PYGB: variants seen among roughly 807,000 people sequenced by gnomAD.
PYGB encodes the protein glycogen phosphorylase B.
PYGB carries 82 observed loss-of-function variants against 94.3 expected under a neutral mutation model. The ratio of observed to expected loss-of-function variants is 0.87; its 90% CI spans 0.73 to 1.04. The LOEUF (loss-of-function observed/expected upper bound fraction) is 1.04. Ranked by LOEUF, PYGB falls within the 50% of genes least tolerant of loss-of-function variation. PYGB has a pLI of 0.00. For missense variants in PYGB, 1,132 were observed against 1,158.2 expected (o/e 0.98, Z 0.33); for synonymous variants, 488 against 479.1 (o/e 1.02, Z -0.24).
intron 2 of PYGB, among the ~76,000 whole-genome samples, chr20:25,264,303 T>C (rs1437426536): frequency 1.3e-5 from 2 of 152,170 alleles, no homozygotes; most frequent in South Asian, 4.1e-4. Flanking sequence ...ATTTATGACA[T>C]ACCCACAGCC....
rs139162483 is a variant in PYGB at position 25,290,602 on chromosome 20, G to A, written c.1949G>A (p.Arg650His). 1.9e-5 allele frequency: 30 copies of A among 1,604,524 alleles called. No homozygotes were observed. Among genetic ancestry groups the A allele is most frequent in the African/African-American group, 5.3e-5 (4 of 74,792 alleles). The change falls in exon 16 of 20, where the codon CGT becomes CAT. Residue 650 changes from arginine to histidine, a missense_variant. Coordinates refer to ENST00000216962, the MANE Select transcript of PYGB (RefSeq NM_002862.4). Reference sequence around the variant, plus strand: ...AAAGTGATCTTCCTGGAGAACTACCGTGTGTCCTTGGCTGAGAAAGGTAAC... The same window carrying A: ...AAAGTGATCTTCCTGGAGAACTACCATGTGTCCTTGGCTGAGAAAGGTAAC... ...RLKVIFLENY[R>H]VSLAEKVIPA...
chr20:25,284,641 G>A (rs951110483), intron 14 of PYGB, among the ~76,000 whole-genome samples: 3 of 152,192 alleles, frequency 2.0e-5, no homozygotes, highest in African/African-American at 7.2e-5. Flanking sequence ...GCCAAGGCTG[G>A]TCTCGAACTC....
intron 2 of PYGB, among the ~76,000 whole-genome samples, chr20:25,268,117 T>C (rs894934953): frequency 6.6e-6 from 1 of 151,102 alleles, no homozygotes; most frequent in Non-Finnish European, 1.5e-5. Context: ...ACTTATTTCT[T>C]AACTTTGAGC....
chr20:25,283,355 A>G, intron 13 of PYGB, 78 bp downstream of exon 13: 1 of 1,304,752 alleles, frequency 7.7e-7, no homozygotes, highest in South Asian at 1.3e-5. Flanking sequence ...TAGCCCTCCT[A>G]CAGGCCCAGC....
At chr20:25,265,592 ATTTTT>A (rs34336965) in intron 2 of PYGB, among the ~76,000 whole-genome samples, 1 of 119,670 alleles carries the variant, frequency 8.4e-6, no homozygotes. Context: ...TTGTTGTTGA[ATTTTT>A]TTTTTTTTTT....
Position 25,284,134 on chromosome 20 carries a change from G to T in PYGB, c.1651G>T (p.Glu551Ter). ...ENKLKFSAFL[E>*]KEYKVKINPS... ...CAAGCTCAAGTTCTCGGCCTTCCTG[G>T]AGAAGGAGTACAAGGTGAAGATCAA... Residue 551 changes from glutamate to a stop codon, truncating the protein, a stop_gained, in exon 14 of 20, where the codon GAG becomes TAG. Transcript: ENST00000216962. LOFTEE classifies it high-confidence loss of function. 1 of 1,614,110 alleles carries T rather than the reference G, an allele frequency of 6.2e-7. No homozygotes were observed. The highest frequency in any genetic ancestry group is 8.5e-7 in the Non-Finnish European group (1 of 1,179,992).
At chr20:25,270,649 C>G (rs1307068734) in intron 3 of PYGB, among the ~76,000 whole-genome samples, 1 of 152,134 alleles carries the variant, frequency 6.6e-6, no homozygotes, top group Admixed American at 6.5e-5. Context: ...AGGCATGCGT[C>G]ACTATGCACA....
At chr20:25,277,379 G>C in intron 7 of PYGB, 53 bp downstream of exon 7, 1 of 1,505,348 alleles carries the variant, frequency 6.6e-7, no homozygotes, top group East Asian at 2.3e-5. Context: ...TTCTGGCATA[G>C]AGAGGTGGGC....
Position 25,280,244 on chromosome 20 carries a change from G to A in PYGB, c.1093-22G>A, listed in dbSNP as rs766622335. ...CTGCTTGTTTCTAAACAAACACATG[G>A]GAACATTCTCTAATGGCCTAGGCCT... On this transcript the variant is annotated intron_variant, in intron 9 of 19. Transcript: ENST00000216962. 1.2e-5 allele frequency: 20 copies of A among 1,612,088 alleles called. No individual in the cohort carries two copies. The East Asian group carries it at 4.2e-4, about 34-fold the overall frequency.
At chr20:25,273,357 T>C (rs1192063548) in intron 4 of PYGB, among the ~76,000 whole-genome samples, 2 of 151,346 alleles carry the variant, frequency 1.3e-5, no homozygotes, top group Non-Finnish European at 2.9e-5. Flanking sequence ...GTGCCTGCTG[T>C]GCGGAGGGGC....
chr20:25,259,467 C>T, intron 2 of PYGB, 129 bp downstream of exon 2: 1 of 669,506 alleles, frequency 1.5e-6, no homozygotes, highest in South Asian at 2.2e-5. Context: ...GATTTACGGC[C>T]TGTTCTCCCC....
intron 2 of PYGB, among the ~76,000 whole-genome samples, chr20:25,264,284 A>G (rs2092919693): frequency 6.6e-6 from 1 of 152,230 alleles, no homozygotes; most frequent in African/African-American, 2.4e-5. Flanking sequence ...TCTCAAAATA[A>G]TAAGAGCTAT....
At chr20:25,250,458 C>T (rs79868397) in intron 1 of PYGB, among the ~76,000 whole-genome samples, 3,290 of 152,250 alleles carry the variant, frequency 0.022, 110 homozygotes, top group African/African-American at 0.074. Flanking sequence ...GTCTGTAAGT[C>T]GTAAAGTTGT....
intron 8 of PYGB, 98 bp downstream of exon 8, chr20:25,278,560 A>C: frequency 6.7e-7 from 1 of 1,498,750 alleles, no homozygotes; most frequent in South Asian, 1.3e-5. Context: ...CTAGAGTGGA[A>C]TGGTACATGC....
rs551993485 is a variant in PYGB at position 25,260,066 on chromosome 20, A to T, written c.345+728A>T. On this transcript the variant is annotated intron_variant, in intron 2 of 19. Coordinates refer to ENST00000216962, the MANE Select transcript of PYGB (RefSeq NM_002862.4). ...GTTTTGTTGGGGGCAAATGTCTTGCATGGCTGGGAGGCGGCTCAACATTGC... is the reference window on the plus strand; with the variant it reads ...GTTTTGTTGGGGGCAAATGTCTTGCTTGGCTGGGAGGCGGCTCAACATTGC... Among the ~76,000 whole-genome samples the T allele has an allele frequency of 2.0e-5, 3 of 152,252 alleles. No homozygotes were observed. The East Asian group carries it at 5.8e-4, about 29-fold the overall frequency.
intron 12 of PYGB, 65 bp from the exon 13 acceptor site, chr20:25,283,111 G>C (rs542250687): frequency 1.3e-3 from 1,790 of 1,367,474 alleles, no homozygotes; most frequent in Non-Finnish European, 1.8e-3. Flanking sequence ...AGGAGGGCAG[G>C]TGGCTAGGGG....
At chr20:25,268,157 A>ACCC (rs375575044) in intron 2 of PYGB, among the ~76,000 whole-genome samples, 45 of 28,342 alleles carry the variant, frequency 1.6e-3, no homozygotes, top group African/African-American at 5.3e-3. Context: ...AAATCCTAGC[A>ACCC]CCCGCCCCCC....
At chr20:25,284,063 C>A in intron 13 of PYGB, 41 bp from the exon 14 acceptor site, 1 of 1,605,990 alleles carries the variant, frequency 6.2e-7, no homozygotes, top group Non-Finnish European at 8.5e-7. Context: ...GGATGGAGTC[C>A]TGGTGAAGTC....
intron 1 of PYGB, among the ~76,000 whole-genome samples, chr20:25,256,503 AAAAAACAAAAAC>A (rs777092324): frequency 6.9e-6 from 1 of 145,636 alleles, no homozygotes; most frequent in African/African-American, 2.7e-5. Context: ...CTCAAAAAAA[AAAAAACAAAAAC>A]AAAAACAAAA....
Sources: gnomAD v4.1 joint callset for allele counts (sites outside exome capture counted in the v4.1 genomes callset) on GRCh38, gnomAD v4.1.1 for gene constraint, MANE v1.5 for transcripts, NCBI Gene and HGNC (gene_info 2026-07-23, HGNC 2026-07-21) for gene names.